Variants in TBX18 observed in about 807,000 individuals in gnomAD.
The protein encoded by TBX18 is T-box transcription factor 18.
In TBX18, 21 loss-of-function variants were observed where a neutral mutation model predicts 55.0. That is an observed-to-expected ratio of 0.38 (90% CI 0.27 to 0.55). TBX18 has a LOEUF of 0.55. Among genes scored for constraint, TBX18 ranks in the 20% least tolerant of loss-of-function variants. The pLI, the probability that TBX18 is intolerant of heterozygous loss-of-function variation, is 0.73. For synonymous variants in TBX18, 342 were observed against 326.1 expected (o/e 1.05, Z -0.53); for missense variants, 840 against 799.6 (o/e 1.05, Z -0.61).
Position 84,736,824 on chromosome 6 carries a change from G to T in TBX18, c.1685C>A (p.Thr562Asn). The T allele has an allele frequency of 6.2e-7, 1 of 1,614,060 alleles. No individual in the cohort carries two copies. Among genetic ancestry groups the T allele is most frequent in the South Asian group, 1.1e-5 (1 of 91,044 alleles). Residue 562 changes from threonine (T) to asparagine (N), a missense_variant, in exon 8 of 8, where the codon ACC becomes AAC. Physicochemically the swap from Thr to Asn is moderately conservative, Grantham distance 65. Coordinates refer to ENST00000369663, the MANE Select transcript of TBX18 (RefSeq NM_001080508.3). The stretch of plus-strand genomic sequence containing the variant: ...GGGCAACATCTGCCGATCCGTCATG[G>T]TCCCACTCGGTGAGGACCCCAAGAA... ...GSFLGSSPSG[T>N]MTDRQMLPPV...
intron 6 of TBX18, 75 bp downstream of exon 6, chr6:84,744,186 A>G: frequency 7.8e-7 from 1 of 1,280,130 alleles, no homozygotes; most frequent in Non-Finnish European, 1.1e-6. Context: ...TTAGCCATTT[A>G]CTTTGTAATA....
intron 3 of TBX18, among the ~76,000 whole-genome samples, chr6:84,758,099 G>C (rs1767543493): frequency 6.6e-6 from 1 of 151,856 alleles, no homozygotes; most frequent in Admixed American, 6.6e-5. Flanking sequence ...ATAAAATTAG[G>C]GATAGTCTTT....
intron 3 of TBX18, among the ~76,000 whole-genome samples, chr6:84,759,798 A>T (rs961355043): frequency 2.0e-5 from 3 of 152,040 alleles, no homozygotes; most frequent in African/African-American, 7.2e-5. Context: ...ATATTCTGAA[A>T]TTAAAAAAAA....
At chr6:84,743,889 A>G (rs1401648193) in intron 6 of TBX18, among the ~76,000 whole-genome samples, 3 of 152,318 alleles carry the variant, frequency 2.0e-5, no homozygotes, top group South Asian at 2.1e-4. Context: ...TCCACAGACA[A>G]TATCAATAGA....
chr6:84,763,151 C>G (rs1353103611), intron 1 of TBX18: 2 of 367,416 alleles, frequency 5.4e-6, no homozygotes, highest in Non-Finnish European at 5.2e-6. Flanking sequence ...ACGCAACCTG[C>G]GCCTCGAAGC....
At chr6:84,755,836 A>G (rs576090573) in intron 4 of TBX18, among the ~76,000 whole-genome samples, 2 of 152,318 alleles carry the variant, frequency 1.3e-5, no homozygotes, top group African/African-American at 4.8e-5. Flanking sequence ...TCACTATATT[A>G]TTAGTTTATG....
intron 3 of TBX18, 73 bp from the exon 4 acceptor site, chr6:84,756,942 A>C: frequency 7.4e-7 from 1 of 1,343,760 alleles, no homozygotes; most frequent in Admixed American, 2.2e-5. Context: ...AATCAGACAA[A>C]ATGTGTGCCT....
rs1041012074 is a variant in TBX18, at chr6:84,734,580, T to C, written c.*2105A>G. On this transcript the variant is annotated 3_prime_UTR_variant, in exon 8 of 8. Coordinates refer to ENST00000369663, the MANE Select transcript of TBX18 (RefSeq NM_001080508.3). ...GTGACGTGGTGATTAATATTTACAG[T>C]AAAACCTAAAAAAAGCATTTGTACA... is the stretch of plus-strand genomic sequence containing the variant. 1.3e-5 allele frequency: 2 copies of C among 152,340 alleles called. No homozygotes were observed. The highest frequency in any genetic ancestry group is 2.9e-5 in the Non-Finnish European group (2 of 67,876). The allele number at this position is 152,340 out of a possible 1,614,324, so 9.4% of individuals were successfully genotyped here.
In TBX18 at chr6:84,736,857, T is replaced by G; in HGVS notation, c.1652A>C (p.Gln551Pro). Reference sequence around the variant, plus strand: ...CGGTGAGGACCCCAAGAAACTTCCTTGGGAAGAAACAATTTTCTCAGGACT... The same window carrying G: ...CGGTGAGGACCCCAAGAAACTTCCTGGGGAAGAAACAATTTTCTCAGGACT... ...AASPEKIVSS[Q>P]GSFLGSSPSG... Residue 551 changes from glutamine to proline, a missense_variant, in exon 8 of 8, where the codon CAA becomes CCA. Physicochemically the swap from Gln to Pro is moderately conservative, Grantham distance 76 (BLOSUM62 -1). Coordinates refer to ENST00000369663, the MANE Select transcript of TBX18 (RefSeq NM_001080508.3). The G allele has an allele frequency of 1.9e-6, 3 of 1,613,518 alleles. No homozygotes were observed. The highest frequency in any genetic ancestry group is 2.5e-6 in the Non-Finnish European group (3 of 1,179,820).
intron 5 of TBX18, among the ~76,000 whole-genome samples, chr6:84,746,812 C>T (rs1767207529): frequency 6.7e-6 from 1 of 150,186 alleles, no homozygotes; most frequent in African/African-American, 2.4e-5. Flanking sequence ...TATCTATTAG[C>T]ATAGATAATA....
chr6:84,736,355 T>C lies in TBX18; in HGVS notation c.*330A>G, dbSNP rs1773941101. Reference sequence around the variant, plus strand: ...ATAAGTGTTCTTCTGGATAGTATAATTGCCAAGTTTTAAGTTTACCATCTT... The same window carrying C: ...ATAAGTGTTCTTCTGGATAGTATAACTGCCAAGTTTTAAGTTTACCATCTT... On this transcript the variant is annotated 3_prime_UTR_variant, in exon 8 of 8. Transcript: ENST00000369663. 5.6e-6 allele frequency: 1 copy of C among 177,688 alleles called. No individual in the cohort carries two copies. The highest frequency in any genetic ancestry group is 1.2e-5 in the Non-Finnish European group (1 of 85,570). 11.0% of individuals were successfully genotyped at this position (177,688 alleles called of 1,614,324 possible). A position where few individuals can be genotyped will look rare whatever the true frequency, so the allele number is the denominator to read the frequency against.
Position 84,747,950 on chromosome 6 carries a change from G to C in TBX18, c.909C>G (p.Phe303Leu), listed in dbSNP as rs780669950. The part of the protein sequence containing the change: ...VKAFSFPETV[F>L]TTVTAYQNQQ... The stretch of plus-strand genomic sequence containing the variant: ...GATTCTGATAGGCAGTGACGGTTGT[G>C]AAGACAGTTTCTGGAAAGGAGAATG... The change falls in exon 5 of 8, where the codon TTC becomes TTG. Residue 303 changes from phenylalanine to leucine, a missense_variant. Transcript: ENST00000369663. The C allele has an allele frequency of 6.2e-7, 1 of 1,612,982 alleles. No individual in the cohort carries two copies. The highest frequency in any genetic ancestry group is 8.5e-7 in the Non-Finnish European group (1 of 1,179,266).
At chr6:84,752,083 G>A (rs545456384) in intron 4 of TBX18, among the ~76,000 whole-genome samples, 40 of 152,008 alleles carry the variant, frequency 2.6e-4, no homozygotes, top group African/African-American at 9.4e-4. Context: ...ATTTTCTTTT[G>A]GGTTTAGCTA....
chr6:84,755,584 A>G (rs1767465776), intron 4 of TBX18, among the ~76,000 whole-genome samples: 1 of 152,250 alleles, frequency 6.6e-6, no homozygotes. Flanking sequence ...GTAATGCACT[A>G]AAATACAGGA....
At chr6:84,761,505 C>G (rs1462300051) in intron 2 of TBX18, among the ~76,000 whole-genome samples, 1 of 152,140 alleles carries the variant, frequency 6.6e-6, no homozygotes, top group Non-Finnish European at 1.5e-5. Context: ...AATAAAAGCT[C>G]TGTGAAAATG....
intron 3 of TBX18, among the ~76,000 whole-genome samples, chr6:84,757,929 C>G (rs1348092277): frequency 6.6e-6 from 1 of 152,068 alleles, no homozygotes; most frequent in Non-Finnish European, 1.5e-5. Flanking sequence ...TCAGAAAAGT[C>G]TACCTGTGTT....
intron 6 of TBX18, among the ~76,000 whole-genome samples, 154 bp downstream of exon 6, chr6:84,744,107 A>G (rs1767118694): frequency 6.6e-6 from 1 of 152,186 alleles, no homozygotes; most frequent in South Asian, 2.1e-4. Context: ...CCATTACACT[A>G]CAAAAATAAG....
In TBX18 at chr6:84,733,865, T is replaced by C. The variant is rs75897159; in HGVS notation, c.*2820A>G. On this transcript the variant is annotated 3_prime_UTR_variant, in exon 8 of 8. Transcript: ENST00000369663. ...TAATTGATGTAAAGAGTGAGTATGA[T>C]CCTTCCTTATATAGGTTACACTGTG... is the stretch of plus-strand genomic sequence containing the variant. The C allele has an allele frequency of 6.6e-6, 1 of 152,138 alleles. No individual in the cohort carries two copies. The highest frequency in any genetic ancestry group is 1.9e-4 in the East Asian group (1 of 5,182). The allele number at this position is 152,138 out of a possible 1,614,324, so 9.4% of individuals were successfully genotyped here. A position where few individuals can be genotyped will look rare whatever the true frequency, so the allele number is the denominator to read the frequency against.
chr6:84,736,413 C>G lies in TBX18; in HGVS notation c.*272G>C, dbSNP rs1490056486. The stretch of plus-strand genomic sequence containing the variant: ...AAAGAGTCTGAGAACTTTGCTTAAA[C>G]ATACTACACGCATGCCAATACTCCG... On this transcript the variant is annotated 3_prime_UTR_variant, in exon 8 of 8. Coordinates refer to ENST00000369663, the MANE Select transcript of TBX18 (RefSeq NM_001080508.3). The G allele has an allele frequency of 3.7e-6, 1 of 267,192 alleles. No individual in the cohort carries two copies. Among genetic ancestry groups the G allele is most frequent in the African/African-American group, 2.2e-5 (1 of 45,708 alleles). 16.6% of individuals were successfully genotyped at this position (267,192 alleles called of 1,614,324 possible).
Sources: allele counts gnomAD v4.1 joint callset (sites outside exome capture counted in the v4.1 genomes callset), GRCh38; gene constraint gnomAD v4.1.1; transcripts MANE v1.5; gene names NCBI Gene and HGNC (gene_info 2026-07-23, HGNC 2026-07-21).